The following ZNG1C variants were observed in gnomAD, a reference collection of about 807,000 sequenced individuals.
ZNG1C encodes the protein zinc-regulated GTPase metalloprotein activator 1C.
chr9:68,257,117 A>C, the ZNG1C span: 1 of 1,148,780 alleles, frequency 8.7e-7, no homozygotes, highest in East Asian at 4.5e-5. Context: ...GGCTCACTGC[A>C]ATCTTTACCT....
chr9:68,287,158 GC>G, the ZNG1C span, among the ~76,000 whole-genome samples: 1 of 149,660 alleles, frequency 6.7e-6, no homozygotes, highest in Non-Finnish European at 1.5e-5. Flanking sequence ...TGGTTGAAAT[GC>G]TTTTGCCTTG....
the ZNG1C span, among the ~76,000 whole-genome samples, chr9:68,290,150 C>A: frequency 9.5e-6 from 1 of 105,322 alleles, no homozygotes; most frequent in Non-Finnish European, 2.0e-5. Context: ...ACATCTGGTT[C>A]CAAAATGTAG....
chr9:68,271,388 T>G, the ZNG1C span, among the ~76,000 whole-genome samples: 82 of 28,096 alleles, frequency 2.9e-3, no homozygotes, highest in African/African-American at 9.7e-3. Context: ...AGATCAGTCA[T>G]TGGGGGGAAA....
At chr9:68,247,585 A>G in the ZNG1C span, 34 of 1,422,928 alleles carry the variant, frequency 2.4e-5, no homozygotes, top group East Asian at 6.6e-4. Context: ...GACATAAGCT[A>G]AAGAGTGCTG....
the ZNG1C span, among the ~76,000 whole-genome samples, chr9:68,291,866 G>T: frequency 6.8e-6 from 1 of 147,828 alleles, no homozygotes; most frequent in Admixed American, 6.8e-5. Flanking sequence ...CCTGCAGCAG[G>T]CCAACCAGCA....
the ZNG1C span, among the ~76,000 whole-genome samples, chr9:68,266,672 T>C: frequency 1.4e-5 from 2 of 146,440 alleles, no homozygotes; most frequent in African/African-American, 5.2e-5. Context: ...TTACTCATAA[T>C]GTATTCTCAC....
chr9:68,256,462 T>G, the ZNG1C span, among the ~76,000 whole-genome samples: 4 of 125,384 alleles, frequency 3.2e-5, no homozygotes, highest in African/African-American at 6.1e-5. Context: ...AAATTTTTTT[T>G]GGGCAAGTGA....
chr9:68,286,855 CTCT>C, the ZNG1C span, among the ~76,000 whole-genome samples: 1 of 143,396 alleles, frequency 7.0e-6, no homozygotes, highest in Non-Finnish European at 1.5e-5. Flanking sequence ...TAGGATATTC[CTCT>C]TCACTTATCT....
the ZNG1C span, among the ~76,000 whole-genome samples, chr9:68,247,271 A>G: frequency 1.3e-5 from 2 of 151,910 alleles, no homozygotes; most frequent in South Asian, 4.2e-4. Context: ...TACAGAATCC[A>G]GTATATAAAA....
At chr9:68,244,526 A>C in the ZNG1C span, among the ~76,000 whole-genome samples, 1 of 124,554 alleles carries the variant, frequency 8.0e-6, no homozygotes, top group African/African-American at 3.3e-5. Flanking sequence ...TGTATAGCCT[A>C]CATGTAAAAG....
chr9:68,246,994 G>A, the ZNG1C span, among the ~76,000 whole-genome samples: 2 of 148,190 alleles, frequency 1.3e-5, no homozygotes, highest in East Asian at 4.0e-4. Context: ...TACCACACCT[G>A]GCTAATTTTT....
the ZNG1C span, among the ~76,000 whole-genome samples, chr9:68,296,935 A>C: frequency 5.3e-5 from 8 of 152,196 alleles, no homozygotes; most frequent in African/African-American, 1.9e-4. Context: ...TGATGATGTC[A>C]CCCTTACTAA....
the ZNG1C span, among the ~76,000 whole-genome samples, chr9:68,256,110 C>T: frequency 6.6e-6 from 1 of 152,286 alleles, no homozygotes; most frequent in African/African-American, 2.4e-5. Flanking sequence ...CTTGTCAGAG[C>T]AGGTGGACAG....
At chr9:68,288,447 GT>G in the ZNG1C span, among the ~76,000 whole-genome samples, 1 of 152,238 alleles carries the variant, frequency 6.6e-6, no homozygotes, top group African/African-American at 2.4e-5. Flanking sequence ...CAATGTTTGG[GT>G]TTTGTTTTTG....
At chr9:68,281,770 TAAA>T in the ZNG1C span, among the ~76,000 whole-genome samples, 2 of 139,072 alleles carry the variant, frequency 1.4e-5, no homozygotes, top group Non-Finnish European at 3.1e-5. Flanking sequence ...TCATGTAGCA[TAAA>T]GTCATCAAGG....
At chr9:68,244,599 A>G in the ZNG1C span, among the ~76,000 whole-genome samples, 1 of 140,186 alleles carries the variant, frequency 7.1e-6, no homozygotes, top group Non-Finnish European at 1.5e-5. Flanking sequence ...AAAAAAAAAG[A>G]TAAAGAAATG....
chr9:68,260,132 A>G, the ZNG1C span, among the ~76,000 whole-genome samples: 1 of 150,754 alleles, frequency 6.6e-6, no homozygotes, highest in African/African-American at 2.5e-5. Context: ...GTAGCAAAAA[A>G]GCCCCAAATT....
At chr9:68,291,420 C>T in the ZNG1C span, among the ~76,000 whole-genome samples, 1 of 68,590 alleles carries the variant, frequency 1.5e-5, no homozygotes, top group East Asian at 2.3e-4. Context: ...GTTTTAGACA[C>T]CTGATATTAG....
At chr9:68,291,737 C>T in the ZNG1C span, among the ~76,000 whole-genome samples, 3 of 151,664 alleles carry the variant, frequency 2.0e-5, no homozygotes, top group East Asian at 3.9e-4. Context: ...TTCCGCTTTT[C>T]CTATTACTAC....
Sources: allele counts gnomAD v4.1 joint callset (sites outside exome capture counted in the v4.1 genomes callset), GRCh38; gene constraint gnomAD v4.1.1; transcripts MANE v1.5; gene names NCBI Gene and HGNC (gene_info 2026-07-23, HGNC 2026-07-21).